LYAR: variants seen among roughly 807,000 people sequenced by gnomAD.
The protein encoded by LYAR is cell growth-regulating nucleolar protein.
In LYAR, 37 loss-of-function variants were observed where a neutral mutation model predicts 45.2. The ratio of observed to expected loss-of-function variants is 0.82; its 90% CI spans 0.63 to 1.08. The LOEUF (loss-of-function observed/expected upper bound fraction) is 1.08, where lower values mean the gene tolerates loss of function less well. LYAR is among the 50% of genes least tolerant of loss of function. The probability of loss-of-function intolerance (pLI) is 0.00; values close to 1 mark genes in which losing one functional copy is unlikely to be tolerated. For missense variants in LYAR, 493 were observed against 451.0 expected (o/e 1.09, Z -0.84); for synonymous variants, 176 against 155.1 (o/e 1.14, Z -1.00).
At position 4,281,800 on chromosome 4, in the gene LYAR, G is replaced by A; in HGVS notation, c.220C>T (p.Gln74Ter). The change falls in exon 4 of 10, where the codon CAG (glutamine) becomes TAG (stop). Residue 74 changes from glutamine to a stop codon, truncating the protein, a stop_gained. Transcript: ENST00000343470. LOFTEE classifies it high-confidence loss of function. ...EGKTHKGDIK[Q>*]QAWIQKISEL... The stretch of plus-strand genomic sequence containing the variant: ...GACGTTACCTGAATCCACGCCTGCT[G>A]TTTGATGTCGCCTTTGTGGGTTTTA... 1 of 1,613,992 alleles carries A rather than the reference G, an allele frequency of 6.2e-7. No individual in the cohort carries two copies. The highest frequency in any genetic ancestry group is 8.5e-7 in the Non-Finnish European group (1 of 1,179,820).
intron 1 of LYAR, among the ~76,000 whole-genome samples, chr4:4,288,000 A>C (rs2916434): frequency 0.018 from 2,801 of 152,284 alleles, 76 homozygotes; most frequent in African/African-American, 0.062. Flanking sequence ...GATGGTTGCC[A>C]GCTTTTGTTG....
At chr4:4,275,680 C>T (rs569489052) in intron 6 of LYAR, among the ~76,000 whole-genome samples, 19 of 151,000 alleles carry the variant, frequency 1.3e-4, no homozygotes, top group Middle Eastern at 6.8e-3. Context: ...ATGGTTACCC[C>T]TGTTAAATAC....
At chr4:4,268,492 C>T (rs200409393) in intron 9 of LYAR, 38 bp downstream of exon 9, 1 of 1,301,304 alleles carries the variant, frequency 7.7e-7, no homozygotes, top group East Asian at 2.3e-5. Flanking sequence ...TAAGTTCTCC[C>T]CAGCTGTTAG....
Position 4,274,350 on chromosome 4 carries a change from G to A in LYAR, c.832+17C>T, listed in dbSNP as rs765236842. 5.6e-6 allele frequency: 9 copies of A among 1,600,986 alleles called. No homozygotes were observed. Among genetic ancestry groups the A allele is most frequent in the Admixed American group, 5.2e-5 (3 of 58,194 alleles). ...CCGGTTTTCAGATGAATCCCAGAGC[G>A]TGAGCTAGCCACTTACCTTCCGAGT... On this transcript the variant is annotated intron_variant, in intron 7 of 9. Transcript: ENST00000343470.
At chr4:4,289,554 T>A (rs893073499) in intron 1 of LYAR, 2 of 152,268 alleles carry the variant, frequency 1.3e-5, no homozygotes, top group Admixed American at 1.3e-4. Flanking sequence ...AGATTCTATA[T>A]GTTATGACAG....
intron 2 of LYAR, among the ~76,000 whole-genome samples, chr4:4,284,879 G>T (rs1298265433): frequency 6.6e-6 from 1 of 152,194 alleles, no homozygotes; most frequent in African/African-American, 2.4e-5. Context: ...CTTCAGGGTA[G>T]GACTTCATCC....
chr4:4,269,008 T>C (rs1258586185), intron 8 of LYAR: 1 of 157,100 alleles, frequency 6.4e-6, no homozygotes. Flanking sequence ...ATAGAGGAAC[T>C]AAAAATACTC....
chr4:4,273,497 T>C, intron 8 of LYAR, 86 bp downstream of exon 8: 1 of 934,226 alleles, frequency 1.1e-6, no homozygotes, highest in Non-Finnish European at 1.7e-6. Flanking sequence ...CAAGTGACCC[T>C]CCTGCCCCTG....
chr4:4,273,765 G>C (rs897840657), intron 7 of LYAR, 96 bp from the exon 8 acceptor site: 4 of 683,462 alleles, frequency 5.9e-6, no homozygotes, highest in Non-Finnish European at 5.1e-6. Context: ...CAAACTCCAC[G>C]TATCATCTCA....
At chr4:4,280,790 T>C (rs1159373171) in intron 4 of LYAR, among the ~76,000 whole-genome samples, 3 of 152,238 alleles carry the variant, frequency 2.0e-5, no homozygotes, top group African/African-American at 7.2e-5. Context: ...AGTATGCTCA[T>C]TCAGTAAGCT....
intron 1 of LYAR, 105 bp from the exon 2 acceptor site, chr4:4,286,677 C>G (rs1343247090): frequency 8.3e-6 from 1 of 121,114 alleles, no homozygotes; most frequent in Non-Finnish European, 1.6e-5. Context: ...AAAGGAGTCT[C>G]GCTTTGTCGC....
At chr4:4,269,845 C>T (rs1293510059) in intron 8 of LYAR, among the ~76,000 whole-genome samples, 1 of 152,224 alleles carries the variant, frequency 6.6e-6, no homozygotes, top group Non-Finnish European at 1.5e-5. Context: ...TCAACACACA[C>T]ACACGTAAAC....
At chr4:4,287,724 G>A (rs1033719060) in intron 1 of LYAR, among the ~76,000 whole-genome samples, 4 of 152,154 alleles carry the variant, frequency 2.6e-5, no homozygotes, top group Non-Finnish European at 5.9e-5. Flanking sequence ...GACCTGCCAT[G>A]TCCTAGCCGT....
At chr4:4,285,233 G>A (rs1047775682) in intron 2 of LYAR, among the ~76,000 whole-genome samples, 3 of 152,262 alleles carry the variant, frequency 2.0e-5, no homozygotes, top group African/African-American at 4.8e-5. Flanking sequence ...GTTAGTAAAC[G>A]GACAGCATGT....
At chr4:4,287,508 G>C (rs1450666225) in intron 1 of LYAR, among the ~76,000 whole-genome samples, 1 of 152,154 alleles carries the variant, frequency 6.6e-6, no homozygotes, top group Non-Finnish European at 1.5e-5. Flanking sequence ...TAGAACACAT[G>C]ATCATTAGCT....
chr4:4,267,737 C>A lies in LYAR; in HGVS notation c.*152G>T. The A allele has an allele frequency of 1.9e-6, 1 of 526,066 alleles. No individual in the cohort carries two copies. The highest frequency in any genetic ancestry group is 3.1e-6 in the Non-Finnish European group (1 of 327,198). The allele number at this position is 526,066 out of a possible 1,614,324, so 32.6% of individuals were successfully genotyped here. A position where few individuals can be genotyped will look rare whatever the true frequency, so the allele number is the denominator to read the frequency against. On this transcript the variant is annotated 3_prime_UTR_variant, in exon 10 of 10. Transcript: ENST00000343470. ...GGACCAGAATATATTTTATTTTTCT[C>A]ATAAAAGTTATACCAAAAATATATT...
rs1005819730 is a variant in LYAR at position 4,269,485 on chromosome 4, G to A, written c.920-870C>T. ...CAGAAGGCCAAGCAGGAATTCAGGG[G>A]TCTCATCCACACAGGCCGGTCATGA... On this transcript the variant is annotated intron_variant, in intron 8 of 9. Transcript: ENST00000343470. Among the ~76,000 whole-genome samples the A allele has an allele frequency of 2.0e-5, 3 of 152,144 alleles. 1 individual carries two copies. The highest frequency in any genetic ancestry group is 2.0e-4 in the Admixed American group (3 of 15,280).
Position 4,268,555 on chromosome 4 carries a change from A to G in LYAR, c.980T>C (p.Ile327Thr). Residue 327 changes from isoleucine to threonine, a missense_variant, in exon 9 of 10, where the codon ATA (isoleucine) becomes ACA (threonine). Ile to Thr is a moderately conservative substitution (Grantham distance 89). Coordinates refer to ENST00000343470, the MANE Select transcript of LYAR (RefSeq NM_017816.3). Reference protein sequence around the residue: ...AILKQAPDNEITIKKLRKKVL... With the variant: ...AILKQAPDNETTIKKLRKKVL... Reference sequence around the variant, plus strand: ...CTTTTTCCTTAGCTTTTTGATGGTTATTTCATTGTCTGGGGCCTGTTTCAG... The same window carrying G: ...CTTTTTCCTTAGCTTTTTGATGGTTGTTTCATTGTCTGGGGCCTGTTTCAG... The G allele has an allele frequency of 6.2e-7, 1 of 1,612,488 alleles. No homozygotes were observed. The highest frequency in any genetic ancestry group is 8.5e-7 in the Non-Finnish European group (1 of 1,179,032).
Position 4,283,520 on chromosome 4 carries a change from A to T in LYAR, c.122+101T>A, listed in dbSNP as rs571549788. The T allele has an allele frequency of 2.8e-5, 35 of 1,245,912 alleles. No homozygotes were observed. The African/African-American group carries it at 4.8e-4, about 17-fold the overall frequency. 77.2% of individuals were successfully genotyped at this position (1,245,912 alleles called of 1,614,324 possible). On this transcript the variant is annotated intron_variant, in intron 3 of 9. Coordinates refer to ENST00000343470, the MANE Select transcript of LYAR (RefSeq NM_017816.3). ...CATACCAGTTTTTAGTCTTAATTTCATTCTTCAAATTTGCCACTATTTTTC... is the reference window on the plus strand; with the variant it reads ...CATACCAGTTTTTAGTCTTAATTTCTTTCTTCAAATTTGCCACTATTTTTC...
Sources: gnomAD v4.1 joint callset for allele counts (sites outside exome capture counted in the v4.1 genomes callset) on GRCh38, gnomAD v4.1.1 for gene constraint, MANE v1.5 for transcripts, NCBI Gene and HGNC (gene_info 2026-07-23, HGNC 2026-07-21) for gene names.